SNX29: variants seen among roughly 807,000 people sequenced by gnomAD.
SNX29 encodes the protein sorting nexin 29, also known as sorting nexin-29.
SNX29 carries 78 observed loss-of-function variants against 102.1 expected under a neutral mutation model. That is an observed-to-expected ratio of 0.76 (90% CI 0.64 to 0.92). The LOEUF is 0.92. Among genes scored for constraint, SNX29 ranks in the 40% least tolerant of loss-of-function variants. The probability of loss-of-function intolerance (pLI) is 0.00; values close to 1 mark genes in which losing one functional copy is unlikely to be tolerated. For missense variants in SNX29, 1,280 were observed against 1,061.7 expected (o/e 1.21, Z -2.86); for synonymous variants, 580 against 414.5 (o/e 1.40, Z -4.85).
chr16:12,065,259 T>C (rs2050979524), intron 9 of SNX29, among the ~76,000 whole-genome samples: 1 of 152,182 alleles, frequency 6.6e-6, no homozygotes, highest in African/African-American at 2.4e-5. Flanking sequence ...GCGTGGTTCC[T>C]CTGGGAGTAT....
chr16:12,560,912 A>G (rs957367652), intron 20 of SNX29: 3 of 197,010 alleles, frequency 1.5e-5, no homozygotes, highest in African/African-American at 4.6e-5. Context: ...TAATCCTTTT[A>G]AAATAAAGTA....
intron 13 of SNX29, among the ~76,000 whole-genome samples, chr16:12,138,242 C>G (rs168414): frequency 0.67 from 95,293 of 142,328 alleles, 32,973 homozygotes; most frequent in East Asian, 0.91. Context: ...GAGTCTCACT[C>G]TGTCTCCCAG....
At chr16:12,369,290 C>T (rs953651453) in intron 16 of SNX29, among the ~76,000 whole-genome samples, 3 of 152,018 alleles carry the variant, frequency 2.0e-5, no homozygotes, top group Admixed American at 6.6e-5. Context: ...TGTGTGCCAC[C>T]GTGCCCAGCT....
rs1014379377 is a variant in SNX29, at chr16:12,151,525, G to A, written c.1595+21767G>A. On this transcript the variant is annotated intron_variant, in intron 13 of 20. Transcript: ENST00000566228. ...CCTGCATGTTCTGCGTGATCTGACC[G>A]GGGCCTGCCTGCTTCCTGTTAAGCA... 8.5e-5 allele frequency among the ~76,000 whole-genome samples: 13 copies of A among 152,252 alleles called. No homozygotes were observed. In the East Asian group the frequency reaches 2.5e-3, roughly 29 times the overall value.
At chr16:12,338,982 G>C (rs1468789340) in intron 15 of SNX29, among the ~76,000 whole-genome samples, 2 of 140,972 alleles carry the variant, frequency 1.4e-5, no homozygotes, top group Non-Finnish European at 3.2e-5. Context: ...GGTTAAACTT[G>C]TTCCACCTGT....
At chr16:12,427,929 A>G (rs1380078080) in intron 18 of SNX29, among the ~76,000 whole-genome samples, 1 of 152,256 alleles carries the variant, frequency 6.6e-6, no homozygotes, top group East Asian at 1.9e-4. Context: ...CCAATTTAGC[A>G]GTTACCCGAA....
At chr16:12,286,055 C>G (rs937310703) in intron 15 of SNX29, among the ~76,000 whole-genome samples, 1 of 151,900 alleles carries the variant, frequency 6.6e-6, no homozygotes, top group African/African-American at 2.4e-5. Context: ...ATTGGCCAGG[C>G]TAGTCTCAAA....
intron 15 of SNX29, among the ~76,000 whole-genome samples, chr16:12,304,174 G>GTTTTTT (rs760514032): frequency 1.4e-5 from 2 of 147,212 alleles, no homozygotes; most frequent in Admixed American, 6.7e-5. Context: ...TCCTATCACT[G>GTTTTTT]TTTTTTGTTT....
intron 14 of SNX29, among the ~76,000 whole-genome samples, chr16:12,242,083 A>G (rs1378788701): frequency 6.6e-6 from 1 of 152,064 alleles, no homozygotes; most frequent in East Asian, 1.9e-4. Flanking sequence ...CCTGGGGTAA[A>G]GTCAGTGGAA....
intron 20 of SNX29, among the ~76,000 whole-genome samples, chr16:12,552,393 C>G (rs528678514): frequency 6.6e-6 from 1 of 152,186 alleles, no homozygotes; most frequent in Non-Finnish European, 1.5e-5. Flanking sequence ...TGGTACCTGG[C>G]GCAGAGCAGT....
At chr16:12,252,873 T>TA (rs1200135168) in intron 14 of SNX29, among the ~76,000 whole-genome samples, 2 of 152,256 alleles carry the variant, frequency 1.3e-5, no homozygotes, top group Non-Finnish European at 2.9e-5. Context: ...TCCAGCTGTC[T>TA]AATTGCTCAT....
At chr16:12,562,170 G>A (rs1425810917) in intron 20 of SNX29, among the ~76,000 whole-genome samples, 1 of 152,122 alleles carries the variant, frequency 6.6e-6, no homozygotes, top group Non-Finnish European at 1.5e-5. Context: ...GTAAGATTGA[G>A]GTCTGACCTG....
At chr16:12,511,919 C>T (rs1223243015) in intron 19 of SNX29, among the ~76,000 whole-genome samples, 7 of 151,934 alleles carry the variant, frequency 4.6e-5, no homozygotes, top group Non-Finnish European at 1.5e-5. Flanking sequence ...TTGGGCAGGG[C>T]AGAGGAAGTG....
chr16:12,525,767 T>C (rs1483417826), intron 20 of SNX29, among the ~76,000 whole-genome samples: 3 of 140,180 alleles, frequency 2.1e-5, no homozygotes, highest in Non-Finnish European at 4.5e-5. Context: ...CGGATGCTGC[T>C]GTTTTCAAGA....
intron 19 of SNX29, among the ~76,000 whole-genome samples, chr16:12,507,899 C>T (rs188161421): frequency 6.6e-6 from 1 of 152,152 alleles, no homozygotes; most frequent in African/African-American, 2.4e-5. Flanking sequence ...CGGTCAAGGC[C>T]AAGTCAAGGG....
chr16:12,260,335 G>T (rs934972824), intron 14 of SNX29, among the ~76,000 whole-genome samples: 3 of 152,160 alleles, frequency 2.0e-5, no homozygotes, highest in African/African-American at 4.8e-5. Context: ...AATTGTGTGA[G>T]ATTTTTGTTG....
chr16:12,201,258 A>G (rs1227049018), intron 14 of SNX29, among the ~76,000 whole-genome samples: 2 of 152,168 alleles, frequency 1.3e-5, no homozygotes, highest in East Asian at 1.9e-4. Context: ...ATCTCATTAT[A>G]CAGAATTATT....
At chr16:12,444,679 C>A (rs1454711661) in intron 18 of SNX29, among the ~76,000 whole-genome samples, 1 of 152,120 alleles carries the variant, frequency 6.6e-6, no homozygotes, top group African/African-American at 2.4e-5. Flanking sequence ...GGCCTCCAAG[C>A]CTCACTCCCC....
chr16:12,435,798 C>G (rs778387453), intron 18 of SNX29, among the ~76,000 whole-genome samples: 1 of 152,172 alleles, frequency 6.6e-6, no homozygotes, highest in South Asian at 2.1e-4. Context: ...GGTGAGGATG[C>G]ACTTTGTTGG....
Sources: gnomAD v4.1 joint callset for allele counts (sites outside exome capture counted in the v4.1 genomes callset) on GRCh38, gnomAD v4.1.1 for gene constraint, MANE v1.5 for transcripts, NCBI Gene and HGNC (gene_info 2026-07-23, HGNC 2026-07-21) for gene names.